The following HSD17B2 variants were observed in gnomAD, a reference collection of about 807,000 sequenced individuals.
HSD17B2 encodes hydroxysteroid 17-beta dehydrogenase 2, also known as 17-beta-hydroxysteroid dehydrogenase type 2.
A neutral mutation model predicts 26.9 loss-of-function variants in HSD17B2; 32 were observed. That is an observed-to-expected ratio of 1.19 (90% CI 0.90 to 1.60). HSD17B2 has a LOEUF of 1.60. Ranked by LOEUF, HSD17B2 falls within the 40% of genes most tolerant of loss-of-function variation. The pLI, the probability that HSD17B2 is intolerant of heterozygous loss-of-function variation, is 0.00. For synonymous variants in HSD17B2, 246 were observed against 186.7 expected, an observed-to-expected ratio of 1.32 and a Z score of -2.59; for missense variants, 613 against 468.6, an observed-to-expected ratio of 1.31 and a Z score of -2.85.
At chr16:82,080,853 C>A (rs1471633275) in intron 3 of HSD17B2, among the ~76,000 whole-genome samples, 1 of 152,198 alleles carries the variant, frequency 6.6e-6, no homozygotes, top group Non-Finnish European at 1.5e-5. Context: ...AAGGCAGAGT[C>A]AATCAAACAG....
intron 4 of HSD17B2, 80 bp from the exon 5 acceptor site, chr16:82,097,995 T>G: frequency 7.0e-7 from 1 of 1,428,888 alleles, no homozygotes; most frequent in Non-Finnish European, 9.4e-7. Flanking sequence ...AGGGCCATCC[T>G]TCCCAACAGA....
At chr16:82,097,831 G>A (rs1338778508) in intron 4 of HSD17B2, 5 of 291,630 alleles carry the variant, frequency 1.7e-5, no homozygotes, top group African/African-American at 8.7e-5. Flanking sequence ...CCAGCTACTC[G>A]GGAGGCTGAG....
intron 1 of HSD17B2, among the ~76,000 whole-genome samples, chr16:82,049,409 T>C (rs1914037613): frequency 6.6e-6 from 1 of 152,238 alleles, no homozygotes; most frequent in Non-Finnish European, 1.5e-5. Flanking sequence ...ATGTGCATCA[T>C]GGTTTCCCCA....
chr16:82,073,264 G>A (rs1008462126), intron 3 of HSD17B2, among the ~76,000 whole-genome samples: 7 of 149,848 alleles, frequency 4.7e-5, no homozygotes, highest in African/African-American at 7.4e-5. Flanking sequence ...TCACTCTGTC[G>A]CCCAGGCTGG....
At chr16:82,037,817 G>A (rs1481649961) in intron 1 of HSD17B2, among the ~76,000 whole-genome samples, 1 of 152,216 alleles carries the variant, frequency 6.6e-6, no homozygotes, top group African/African-American at 2.4e-5. Context: ...GTTGGAACAA[G>A]TCTACAGCCA....
intron 1 of HSD17B2, among the ~76,000 whole-genome samples, chr16:82,043,179 T>A (rs1319357383): frequency 6.6e-6 from 1 of 152,178 alleles, no homozygotes; most frequent in African/African-American, 2.4e-5. Context: ...TGGGCCAAGC[T>A]TTTCCCTAGT....
At chr16:82,087,852 C>T (rs893600022) in intron 3 of HSD17B2, among the ~76,000 whole-genome samples, 5 of 151,972 alleles carry the variant, frequency 3.3e-5, no homozygotes, top group African/African-American at 1.2e-4. Context: ...AGAAAGAGAG[C>T]GAAAGGGGGC....
At chr16:82,083,581 G>A (rs1187177540) in intron 3 of HSD17B2, among the ~76,000 whole-genome samples, 1 of 152,142 alleles carries the variant, frequency 6.6e-6, no homozygotes, top group Non-Finnish European at 1.5e-5. Flanking sequence ...TGCAGTGAAT[G>A]GTCCAGTAGC....
chr16:82,066,216 G>T, intron 1 of HSD17B2, among the ~76,000 whole-genome samples: 3 of 152,332 alleles, frequency 2.0e-5, no homozygotes, highest in Admixed American at 2.0e-4. Context: ...CCTCTGGCCA[G>T]CCCCAGGGAG....
At chr16:82,039,299 A>T (rs1037369544) in intron 1 of HSD17B2, among the ~76,000 whole-genome samples, 2 of 151,596 alleles carry the variant, frequency 1.3e-5, no homozygotes, top group African/African-American at 4.9e-5. Context: ...ACCCCTGCAT[A>T]TGTTATACTA....
intron 1 of HSD17B2, among the ~76,000 whole-genome samples, chr16:82,061,782 A>G (rs1398814055): frequency 6.6e-6 from 1 of 152,218 alleles, no homozygotes; most frequent in East Asian, 1.9e-4. Flanking sequence ...CTCAGTATTG[A>G]CTGTGAGCTT....
Position 82,039,330 on chromosome 16 carries a change from TGAGAGAGAGAGAGAGAGAGAGGGA to T in HSD17B2, c.265+3660_265+3683del, listed in dbSNP as rs1213297331. ...TACTACTATAGATGGAGTTAGCAGA[TGAGAGAGAGAGAGAGAGAGAGGGA>T]GAGAGAGAGAGAGAGAGAATGACTG... On this transcript the variant is annotated intron_variant, in intron 1 of 4. Transcript: ENST00000199936. 1.9e-4 allele frequency among the ~76,000 whole-genome samples: 27 copies of T among 143,586 alleles called. 1 individual carries two copies. The South Asian group carries it at 5.8e-3, about 31-fold the overall frequency. 94.2% of individuals were successfully genotyped at this position (143,586 alleles called of 152,430 possible).
intron 1 of HSD17B2, among the ~76,000 whole-genome samples, chr16:82,043,115 T>C (rs1339071208): frequency 6.6e-6 from 1 of 152,194 alleles, no homozygotes; most frequent in East Asian, 1.9e-4. Context: ...GTCTTCTTAT[T>C]CAGGCTATCA....
intron 1 of HSD17B2, among the ~76,000 whole-genome samples, chr16:82,049,664 T>G (rs1358282790): frequency 2.6e-5 from 4 of 152,156 alleles, no homozygotes; most frequent in African/African-American, 9.7e-5. Flanking sequence ...GACATTCCCA[T>G]AAACAAGAGA....
intron 1 of HSD17B2, among the ~76,000 whole-genome samples, chr16:82,054,942 C>G (rs909627822): frequency 1.4e-4 from 22 of 152,246 alleles, no homozygotes; most frequent in African/African-American, 4.8e-4. Flanking sequence ...CAGAGTTTCT[C>G]AACCTCGGCT....
chr16:82,048,472 G>C (rs1914004623), intron 1 of HSD17B2, among the ~76,000 whole-genome samples: 1 of 152,282 alleles, frequency 6.6e-6, no homozygotes, highest in East Asian at 1.9e-4. Context: ...GAAAATTTGA[G>C]AATTTTGGTG....
At chr16:82,045,047 T>C (rs1425738930) in intron 1 of HSD17B2, among the ~76,000 whole-genome samples, 1 of 134,974 alleles carries the variant, frequency 7.4e-6, no homozygotes, top group African/African-American at 2.9e-5. Flanking sequence ...CGCTTGAACA[T>C]GAGAGGCAGA....
chr16:82,075,550 C>T lies in HSD17B2; in HGVS notation c.664+4423C>T, dbSNP rs573171861. ...AAAGGAGACATTACAACCAATACCA[C>T]AGAAACTCAAAAGATCATTAGAGGC... On this transcript the variant is annotated intron_variant, in intron 3 of 4. Transcript: ENST00000199936. Among the ~76,000 whole-genome samples the T allele has an allele frequency of 2.0e-5, 3 of 152,156 alleles. No homozygotes were observed. The East Asian group carries it at 5.8e-4, about 29-fold the overall frequency.
intron 3 of HSD17B2, among the ~76,000 whole-genome samples, chr16:82,075,265 A>G (rs1321035404): frequency 6.6e-6 from 1 of 152,166 alleles, no homozygotes; most frequent in Non-Finnish European, 1.5e-5. Context: ...ACTTCAAGTA[A>G]AAAACCTAGT....
Sources: allele counts gnomAD v4.1 joint callset (sites outside exome capture counted in the v4.1 genomes callset), GRCh38; gene constraint gnomAD v4.1.1; transcripts MANE v1.5; gene names NCBI Gene and HGNC (gene_info 2026-07-23, HGNC 2026-07-21).